Variants in KATNAL2 observed in about 807,000 individuals in gnomAD.
KATNAL2 encodes the protein katanin catalytic subunit A1 like 2.
A neutral mutation model predicts 76.3 loss-of-function variants in KATNAL2; 52 were observed. The observed-to-expected ratio is 0.68, with a 90% CI of 0.55 to 0.86. The LOEUF (loss-of-function observed/expected upper bound fraction) is 0.86, where lower values mean the gene tolerates loss of function less well. Among genes scored for constraint, KATNAL2 ranks in the 40% least tolerant of loss-of-function variants. KATNAL2 has a pLI of 0.00. For synonymous variants in KATNAL2, 243 were observed against 244.2 expected (o/e 1.00, Z 0.05); for missense variants, 660 against 668.9 (o/e 0.99, Z 0.15).
intron 3 of KATNAL2, chr18:47,033,915 C>A (rs768240059): frequency 5.0e-6 from 8 of 1,612,946 alleles, no homozygotes; most frequent in Admixed American, 1.7e-5. Context: ...CCGTTTTCGG[C>A]CCGGCGGAAT....
intron 10 of KATNAL2, among the ~76,000 whole-genome samples, chr18:47,066,814 G>T (rs562077892): frequency 1.2e-3 from 156 of 126,570 alleles, no homozygotes; most frequent in Non-Finnish European, 4.0e-4. Flanking sequence ...TACCTTTGGT[G>T]AACTAACCCA....
intron 13 of KATNAL2, 49 bp downstream of exon 13, chr18:47,069,649 G>A: frequency 8.0e-7 from 1 of 1,253,370 alleles, no homozygotes; most frequent in Non-Finnish European, 1.2e-6. Flanking sequence ...GTGTAATACA[G>A]TGGTACAAAA....
chr18:46,932,970 C>T (rs2058978276), intron 1 of KATNAL2, among the ~76,000 whole-genome samples: 1 of 151,986 alleles, frequency 6.6e-6, no homozygotes. Context: ...ACTATGTTGG[C>T]CAGGCTGGTC....
At chr18:47,099,651 A>G (rs546355411) in intron 16 of KATNAL2, among the ~76,000 whole-genome samples, 1 of 152,336 alleles carries the variant, frequency 6.6e-6, no homozygotes, top group African/African-American at 2.4e-5. Context: ...ACCTATGGTC[A>G]AATCCTGGCC....
At chr18:46,961,926 A>C (rs986333100) in intron 3 of KATNAL2, among the ~76,000 whole-genome samples, 1 of 152,204 alleles carries the variant, frequency 6.6e-6, no homozygotes, top group African/African-American at 2.4e-5. Context: ...CTAAGAATAT[A>C]AGTTTTTAAG....
At chr18:47,073,263 G>A (rs886274143) in intron 13 of KATNAL2, among the ~76,000 whole-genome samples, 15 of 152,112 alleles carry the variant, frequency 9.9e-5, no homozygotes, top group African/African-American at 2.9e-4. Flanking sequence ...TTCAGTGCTC[G>A]AATATGTATT....
intron 3 of KATNAL2, among the ~76,000 whole-genome samples, chr18:46,956,893 A>C (rs867325930): frequency 6.6e-6 from 1 of 151,972 alleles, no homozygotes; most frequent in Non-Finnish European, 1.5e-5. Context: ...AAATACAAAA[A>C]TTAGCCAGGC....
intron 1 of KATNAL2, among the ~76,000 whole-genome samples, chr18:46,944,070 A>G (rs1415663180): frequency 2.0e-5 from 3 of 152,220 alleles, no homozygotes; most frequent in African/African-American, 7.2e-5. Context: ...CTAGTTGTTT[A>G]GAGTAGCAGG....
intron 8 of KATNAL2, 52 bp from the exon 9 acceptor site, chr18:47,062,920 A>G: frequency 7.1e-7 from 1 of 1,404,586 alleles, no homozygotes; most frequent in Non-Finnish European, 1.0e-6. Context: ...AGTTATTAAG[A>G]AGAGTCTTCT....
chr18:47,032,784 A>G, intron 3 of KATNAL2: 2 of 783,626 alleles, frequency 2.6e-6, no homozygotes, highest in Non-Finnish European at 4.0e-6. Context: ...ATGCGTTCAT[A>G]TCTTCTGAAT....
intron 15 of KATNAL2, among the ~76,000 whole-genome samples, chr18:47,094,673 G>A (rs1436445040): frequency 6.6e-6 from 1 of 152,160 alleles, no homozygotes; most frequent in Non-Finnish European, 1.5e-5. Context: ...ATGTCCTTAG[G>A]GTCTTTCTCT....
At chr18:47,062,115 C>T (rs999605632) in intron 8 of KATNAL2, among the ~76,000 whole-genome samples, 10 of 152,086 alleles carry the variant, frequency 6.6e-5, no homozygotes, top group African/African-American at 1.9e-4. Flanking sequence ...TATGCTGGTT[C>T]GCACCTGTAA....
intron 13 of KATNAL2, among the ~76,000 whole-genome samples, chr18:47,071,199 CA>C (rs1052480301): frequency 6.6e-6 from 1 of 152,144 alleles, no homozygotes; most frequent in African/African-American, 2.4e-5. Context: ...CAGGTTTCAC[CA>C]TGTTGCCCCG....
chr18:46,959,718 C>T (rs938057512), intron 3 of KATNAL2, among the ~76,000 whole-genome samples: 4 of 152,096 alleles, frequency 2.6e-5, no homozygotes, highest in Admixed American at 6.6e-5. Context: ...AGATTACAGG[C>T]GTCCGCCACC....
chr18:47,081,013 TCCCTCCTC>T (rs1320932323), intron 15 of KATNAL2, among the ~76,000 whole-genome samples: 2 of 148,140 alleles, frequency 1.4e-5, no homozygotes, highest in Admixed American at 6.8e-5. Context: ...CTTCCCTCCT[TCCCTCCTC>T]CCTTTCCTTC....
chr18:47,047,327 T>C (rs2061192226), intron 4 of KATNAL2, among the ~76,000 whole-genome samples: 1 of 152,232 alleles, frequency 6.6e-6, no homozygotes, highest in African/African-American at 2.4e-5. Flanking sequence ...TCCTTTCCTC[T>C]ACACATTTGA....
intron 3 of KATNAL2, among the ~76,000 whole-genome samples, chr18:46,952,492 C>T (rs10164108): frequency 0.4 from 59,263 of 149,612 alleles, 12,179 homozygotes; most frequent in Middle Eastern, 0.51. Context: ...CTCCGCCTCC[C>T]GGGTTCAAGC....
intron 1 of KATNAL2, among the ~76,000 whole-genome samples, chr18:46,925,770 T>C (rs1657278525): frequency 6.6e-6 from 1 of 152,216 alleles, no homozygotes; most frequent in Non-Finnish European, 1.5e-5. Flanking sequence ...GAGCCTGTTA[T>C]TGGTCTATTC....
chr18:46,955,993 T>C (rs1384828959), intron 3 of KATNAL2, among the ~76,000 whole-genome samples: 5 of 152,222 alleles, frequency 3.3e-5, no homozygotes, highest in Admixed American at 3.3e-4. Context: ...TAGTTGCTCT[T>C]GCAGAGGTTG....
Sources: gnomAD v4.1 joint callset for allele counts (sites outside exome capture counted in the v4.1 genomes callset) on GRCh38, gnomAD v4.1.1 for gene constraint, MANE v1.5 for transcripts, NCBI Gene and HGNC (gene_info 2026-07-23, HGNC 2026-07-21) for gene names.